The following MSRA variants were observed in gnomAD, a reference collection of about 807,000 sequenced individuals.
The protein encoded by MSRA is methionine sulfoxide reductase A, also known as mitochondrial peptide methionine sulfoxide reductase.
A neutral mutation model predicts 31.3 loss-of-function variants in MSRA; 54 were observed. The ratio of observed to expected loss-of-function variants is 1.73; its 90% CI spans 1.39 to 2.17. The LOEUF is 2.17. Ranked by LOEUF, MSRA falls within the 30% of genes most tolerant of loss-of-function variation. The pLI is 0.00. For synonymous variants in MSRA, 169 were observed against 116.5 expected (o/e 1.45, Z -2.90); for missense variants, 507 against 300.9 (o/e 1.69, Z -5.07).
At chr8:10,186,509 C>T (rs1047841891) in intron 1 of MSRA, among the ~76,000 whole-genome samples, 1 of 152,174 alleles carries the variant, frequency 6.6e-6, no homozygotes, top group Non-Finnish European at 1.5e-5. Flanking sequence ...CCACTCTTAG[C>T]TCATAGGCTG....
At chr8:10,367,352 T>G (rs1039462925) in intron 5 of MSRA, among the ~76,000 whole-genome samples, 13 of 152,208 alleles carry the variant, frequency 8.5e-5, no homozygotes, top group African/African-American at 3.1e-4. Context: ...GATAATCTCT[T>G]ACTGTGCCTA....
chr8:10,195,837 A>G (rs1486705307), intron 1 of MSRA, among the ~76,000 whole-genome samples: 1 of 152,260 alleles, frequency 6.6e-6, no homozygotes, highest in African/African-American at 2.4e-5. Context: ...GCTTCCATCA[A>G]GAAATAAAGC....
At chr8:10,065,984 A>T (rs1455775858) in intron 1 of MSRA, among the ~76,000 whole-genome samples, 2 of 148,658 alleles carry the variant, frequency 1.3e-5, no homozygotes, top group Admixed American at 6.7e-5. Context: ...TATATATATA[A>T]AATATATAAA....
chr8:10,096,558 C>T (rs1262113745), intron 1 of MSRA, among the ~76,000 whole-genome samples: 1 of 152,096 alleles, frequency 6.6e-6, no homozygotes, highest in African/African-American at 2.4e-5. Flanking sequence ...AGAAAAATTT[C>T]TTATTTTTGG....
chr8:10,305,316 T>G lies in MSRA; in HGVS notation c.436+3678T>G, dbSNP rs1232450481. On this transcript the variant is annotated intron_variant, in intron 4 of 5. Coordinates refer to ENST00000317173, the MANE Select transcript of MSRA (RefSeq NM_012331.5). ...ATGGCATAGGCTAAACAGAGAACAT[T>G]CAGCATGTTCTTTCCTGCTTCAAGG... is the stretch of plus-strand genomic sequence containing the variant. Among the ~76,000 whole-genome samples, 3 of 152,058 alleles carry G rather than the reference T, an allele frequency of 2.0e-5. No homozygotes were observed. In the East Asian group the frequency reaches 5.8e-4, roughly 29 times the overall value.
intron 3 of MSRA, among the ~76,000 whole-genome samples, chr8:10,253,541 T>C (rs930665240): frequency 6.6e-6 from 1 of 152,210 alleles, no homozygotes; most frequent in Admixed American, 6.5e-5. Context: ...AAAACATCCT[T>C]TTACCCATTC....
intron 5 of MSRA, among the ~76,000 whole-genome samples, chr8:10,342,182 T>G (rs945995634): frequency 2.0e-5 from 3 of 152,242 alleles, no homozygotes; most frequent in South Asian, 4.1e-4. Flanking sequence ...GCTCATTTGT[T>G]TCCATGGGTC....
intron 1 of MSRA, among the ~76,000 whole-genome samples, chr8:10,060,943 T>C (rs1802682009): frequency 6.6e-6 from 1 of 152,212 alleles, no homozygotes; most frequent in Non-Finnish European, 1.5e-5. Flanking sequence ...TAAAAGAAAA[T>C]GATAGAAAAC....
chr8:10,342,332 C>G (rs1422189375), intron 5 of MSRA, among the ~76,000 whole-genome samples: 2 of 152,182 alleles, frequency 1.3e-5, no homozygotes, highest in South Asian at 4.1e-4. Context: ...ATTAAAAAAA[C>G]CCGAACACAC....
At chr8:10,185,173 C>G (rs573750226) in intron 1 of MSRA, among the ~76,000 whole-genome samples, 2 of 152,054 alleles carry the variant, frequency 1.3e-5, no homozygotes, top group Non-Finnish European at 2.9e-5. Context: ...TTAGCGAATG[C>G]GAATCCCCCT....
intron 1 of MSRA, among the ~76,000 whole-genome samples, chr8:10,080,584 A>G (rs1798242143): frequency 6.6e-6 from 1 of 152,106 alleles, no homozygotes; most frequent in Non-Finnish European, 1.5e-5. Flanking sequence ...AGAGTGCAGT[A>G]GCACAGTCCC....
intron 4 of MSRA, among the ~76,000 whole-genome samples, chr8:10,311,205 A>T (rs1243918457): frequency 6.6e-6 from 1 of 152,216 alleles, no homozygotes; most frequent in Non-Finnish European, 1.5e-5. Flanking sequence ...CACTGAAAGC[A>T]GCTCCAAATG....
At chr8:10,374,341 G>A (rs1358032911) in intron 5 of MSRA, among the ~76,000 whole-genome samples, 2 of 152,152 alleles carry the variant, frequency 1.3e-5, no homozygotes, top group African/African-American at 2.4e-5. Flanking sequence ...AGCGGGAGTG[G>A]GAAGACCCCT....
chr8:10,121,738 A>T (rs1206646478), intron 1 of MSRA, among the ~76,000 whole-genome samples: 1 of 151,710 alleles, frequency 6.6e-6, no homozygotes. Context: ...CGGTATGATC[A>T]TAGCTTACTA....
chr8:10,148,768 C>T (rs564126344), intron 1 of MSRA, among the ~76,000 whole-genome samples: 2 of 148,528 alleles, frequency 1.3e-5, no homozygotes, highest in African/African-American at 5.0e-5. Flanking sequence ...CATTACTGCA[C>T]TCTATCCTGG....
At chr8:10,326,409 G>T (rs1802364968) in intron 5 of MSRA, 1 of 152,174 alleles carries the variant, frequency 6.6e-6, no homozygotes. Context: ...GTGGATACCA[G>T]CCTCACCAGC....
chr8:10,193,727 AT>A (rs1274156363), intron 1 of MSRA, among the ~76,000 whole-genome samples: 1 of 152,170 alleles, frequency 6.6e-6, no homozygotes, highest in Non-Finnish European at 1.5e-5. Context: ...TTTGTTCATT[AT>A]GTTTCTTAAT....
At position 10,245,305 on chromosome 8, in the gene MSRA, A is replaced by G. The variant is rs1012037268; in HGVS notation, c.331+82A>G. On this transcript the variant is annotated intron_variant, in intron 3 of 5. Transcript: ENST00000317173. ...ACTGTTGGGTGACAGGCTCTTTAAA[A>G]TGGAAATATGTTTTTTTAAAAATGT... The G allele has an allele frequency of 1.9e-5, 24 of 1,286,122 alleles. No homozygotes were observed. The African/African-American group carries it at 3.4e-4, about 18-fold the overall frequency. 79.7% of individuals were successfully genotyped at this position (1,286,122 alleles called of 1,614,324 possible). A position where few individuals can be genotyped will look rare whatever the true frequency, so the allele number is the denominator to read the frequency against.
At chr8:10,343,771 C>T (rs541919834) in intron 5 of MSRA, among the ~76,000 whole-genome samples, 59 of 152,282 alleles carry the variant, frequency 3.9e-4, no homozygotes, top group Middle Eastern at 6.8e-3. Flanking sequence ...CATATGCAAA[C>T]AGCAACAAAA....
Sources: gnomAD v4.1 joint callset for allele counts (sites outside exome capture counted in the v4.1 genomes callset) on GRCh38, gnomAD v4.1.1 for gene constraint, MANE v1.5 for transcripts, NCBI Gene and HGNC (gene_info 2026-07-23, HGNC 2026-07-21) for gene names.